Variants in CHSY3 observed in about 807,000 individuals in gnomAD.
CHSY3 encodes the protein N-acetylgalactosaminyl-proteoglycan 3-beta-glucuronosyltransferase 3.
A neutral mutation model predicts 67.2 loss-of-function variants in CHSY3; 35 were observed. That is an observed-to-expected ratio of 0.52 (90% CI 0.40 to 0.69). The LOEUF (loss-of-function observed/expected upper bound fraction) is 0.69. Among genes scored for constraint, CHSY3 ranks in the 30% least tolerant of loss-of-function variants. The pLI, the probability that CHSY3 is intolerant of heterozygous loss-of-function variation, is 0.00. For synonymous variants in CHSY3, 474 were observed against 434.7 expected (o/e 1.09, Z -1.12); for missense variants, 1,069 against 1,138.5 (o/e 0.94, Z 0.88).
At chr5:130,000,160 T>C (rs1763677750) in intron 2 of CHSY3, among the ~76,000 whole-genome samples, 1 of 152,234 alleles carries the variant, frequency 6.6e-6, no homozygotes, top group Non-Finnish European at 1.5e-5. Flanking sequence ...ATGGATAACA[T>C]ATGTTTTATT....
At chr5:130,159,181 T>C (rs1769456366) in intron 2 of CHSY3, among the ~76,000 whole-genome samples, 1 of 146,488 alleles carries the variant, frequency 6.8e-6, no homozygotes, top group Non-Finnish European at 1.5e-5. Flanking sequence ...TTTTTTTTTT[T>C]TGAGACAGGA....
chr5:130,147,854 A>G (rs1262664364), intron 2 of CHSY3, among the ~76,000 whole-genome samples: 2 of 152,112 alleles, frequency 1.3e-5, no homozygotes, highest in Non-Finnish European at 2.9e-5. Flanking sequence ...TAAATTGAGA[A>G]GTAATTTTTT....
chr5:130,093,761 C>T (rs1397778680), intron 2 of CHSY3, among the ~76,000 whole-genome samples: 1 of 152,052 alleles, frequency 6.6e-6, no homozygotes, highest in South Asian at 2.1e-4. Flanking sequence ...TAAGAATGGG[C>T]TCATTTTCAT....
chr5:129,941,210 T>A (rs924665045), intron 2 of CHSY3, among the ~76,000 whole-genome samples: 2 of 152,100 alleles, frequency 1.3e-5, no homozygotes, highest in African/African-American at 2.4e-5. Flanking sequence ...CTTAATAAAT[T>A]AATAAATAAA....
chr5:129,964,853 A>T (rs1003704904), intron 2 of CHSY3, among the ~76,000 whole-genome samples: 13 of 151,618 alleles, frequency 8.6e-5, no homozygotes, highest in Non-Finnish European at 1.9e-4. Context: ...CTTTTCCCCC[A>T]CTTTTAGAGC....
intron 2 of CHSY3, among the ~76,000 whole-genome samples, chr5:129,927,055 T>C (rs1278774511): frequency 1.3e-5 from 2 of 151,960 alleles, no homozygotes; most frequent in Non-Finnish European, 2.9e-5. Context: ...AAACAATAAA[T>C]GTAGATATTT....
At chr5:129,955,602 A>G (rs140344490) in intron 2 of CHSY3, among the ~76,000 whole-genome samples, 15 of 151,990 alleles carry the variant, frequency 9.9e-5, no homozygotes, top group Admixed American at 6.6e-4. Flanking sequence ...GGTTTGTTAC[A>G]TAAGTAAACT....
intron 2 of CHSY3, among the ~76,000 whole-genome samples, chr5:130,165,648 G>T (rs1769724923): frequency 6.6e-6 from 1 of 151,660 alleles, no homozygotes; most frequent in African/African-American, 2.4e-5. Flanking sequence ...GTCCGAGTAG[G>T]ATTTAGATCT....
At chr5:130,086,521 G>A (rs1372951907) in intron 2 of CHSY3, among the ~76,000 whole-genome samples, 3 of 151,912 alleles carry the variant, frequency 2.0e-5, no homozygotes, top group Non-Finnish European at 4.4e-5. Flanking sequence ...CGTGAGATGG[G>A]TTTCTGAATA....
chr5:130,178,221 TTATA>T (rs1160806601), intron 2 of CHSY3, among the ~76,000 whole-genome samples: 10 of 89,640 alleles, frequency 1.1e-4, no homozygotes, highest in African/African-American at 4.6e-4. Context: ...ATGTATATAT[TTATA>T]TTTATATATA....
At chr5:130,137,905 T>G (rs1768718095) in intron 2 of CHSY3, among the ~76,000 whole-genome samples, 1 of 152,166 alleles carries the variant, frequency 6.6e-6, no homozygotes, top group African/African-American at 2.4e-5. Context: ...TTGTTACAAC[T>G]TCTACCTTCA....
At chr5:129,951,267 C>T (rs1762016229) in intron 2 of CHSY3, among the ~76,000 whole-genome samples, 1 of 152,120 alleles carries the variant, frequency 6.6e-6, no homozygotes, top group African/African-American at 2.4e-5. Flanking sequence ...TAGTTTTAAA[C>T]TTAAATCCTA....
chr5:129,905,335 C>T lies in CHSY3; in HGVS notation c.506C>T (p.Pro169Leu). ...DGGAAAPSAR[P>L]RDFLYVGVMT... ...GGCGCTGCCGCCCCGAGCGCCCGAC[C>T]CCGGGACTTCCTGTACGTGGGGGTG... The change falls in exon 1 of 3, where the codon CCC (proline) becomes CTC (leucine). Residue 169 changes from proline to leucine, a missense_variant. Coordinates refer to ENST00000305031, the MANE Select transcript of CHSY3 (RefSeq NM_175856.5). The T allele has an allele frequency of 6.5e-7, 1 of 1,544,906 alleles. No individual in the cohort carries two copies. Among genetic ancestry groups the T allele is most frequent in the Non-Finnish European group, 8.7e-7 (1 of 1,148,880 alleles).
At position 129,911,605 on chromosome 5, in the gene CHSY3, A is replaced by G. The variant is rs570758601; in HGVS notation, c.1086+3245A>G. Among the ~76,000 whole-genome samples the G allele has an allele frequency of 2.6e-5, 4 of 152,350 alleles. No homozygotes were observed. In the South Asian group the frequency reaches 8.3e-4, roughly 32 times the overall value. ...TATATTATACAACATGGATTCATAT[A>G]TTTCACTTAATAATCATTAGTAATG... On this transcript the variant is annotated intron_variant, in intron 2 of 2. Coordinates refer to ENST00000305031, the MANE Select transcript of CHSY3 (RefSeq NM_175856.5).
chr5:130,184,234 A>G lies in CHSY3; in HGVS notation c.1092A>G (p.Gln364=). Residue 364 remains glutamine (Q), a synonymous_variant, in exon 3 of 3, where the codon CAA becomes CAG. Coordinates refer to ENST00000305031, the MANE Select transcript of CHSY3 (RefSeq NM_175856.5). ...GTQCVWSYEM[Q]QLFHENYEHN... is the part of the protein sequence containing the mutation. ...TTTTTAATTTTACTTTTCAGATGCA[A>G]CAACTGTTCCATGAAAATTATGAAC... is the stretch of plus-strand genomic sequence containing the variant. 1 of 1,504,442 alleles carries G rather than the reference A, an allele frequency of 6.6e-7. No homozygotes were observed. The highest frequency in any genetic ancestry group is 8.9e-7 in the Non-Finnish European group (1 of 1,125,052). 93.2% of individuals were successfully genotyped at this position (1,504,442 alleles called of 1,614,324 possible).
chr5:130,016,441 C>T (rs1372445764), intron 2 of CHSY3, among the ~76,000 whole-genome samples: 3 of 152,172 alleles, frequency 2.0e-5, no homozygotes, highest in East Asian at 1.9e-4. Context: ...GACGAAGTCT[C>T]GCTCTTGTCC....
At chr5:130,124,121 T>C (rs141681526) in intron 2 of CHSY3, among the ~76,000 whole-genome samples, 75 of 146,320 alleles carry the variant, frequency 5.1e-4, no homozygotes, top group African/African-American at 1.6e-3. Flanking sequence ...CTATATAATA[T>C]AGGATTAAGA....
At chr5:130,001,941 A>G in intron 2 of CHSY3, 1 of 845,596 alleles carries the variant, frequency 1.2e-6, no homozygotes, top group African/African-American at 1.8e-5. Context: ...TTAAGATGTT[A>G]ATTAATATGT....
At chr5:129,931,303 C>T (rs12514412) in intron 2 of CHSY3, among the ~76,000 whole-genome samples, 15 of 151,898 alleles carry the variant, frequency 9.9e-5, no homozygotes, top group Non-Finnish European at 1.8e-4. Flanking sequence ...GCTCTAAATG[C>T]GAGCCTATTA....
Sources: gnomAD v4.1 joint callset for allele counts (sites outside exome capture counted in the v4.1 genomes callset) on GRCh38, gnomAD v4.1.1 for gene constraint, MANE v1.5 for transcripts, NCBI Gene and HGNC (gene_info 2026-07-23, HGNC 2026-07-21) for gene names.